ADAM18: variants seen among roughly 807,000 people sequenced by gnomAD.
ADAM18 encodes the protein disintegrin and metalloproteinase domain-containing protein 18.
In ADAM18, 117 loss-of-function variants were observed where a neutral mutation model predicts 94.4. That is an observed-to-expected ratio of 1.24 (90% CI 1.07 to 1.45). The LOEUF is 1.45. Among genes scored for constraint, ADAM18 ranks in the 40% most tolerant of loss-of-function variants. The pLI is 0.00. For synonymous variants in ADAM18, 327 were observed against 291.6 expected (o/e 1.12, Z -1.24); for missense variants, 936 against 880.0 (o/e 1.06, Z -0.81).
At chr8:39,610,771 C>T in intron 6 of ADAM18, 65 bp downstream of exon 6, 1 of 1,521,618 alleles carries the variant, frequency 6.6e-7, no homozygotes, top group Non-Finnish European at 8.8e-7. Context: ...TCTTGTAAAT[C>T]ATGAAAGGAA....
At chr8:39,713,010 G>A (rs1408336790) in intron 18 of ADAM18, among the ~76,000 whole-genome samples, 1 of 152,162 alleles carries the variant, frequency 6.6e-6, no homozygotes, top group Non-Finnish European at 1.5e-5. Flanking sequence ...GAACAAAGCT[G>A]GAGGCATCAC....
chr8:39,639,922 T>C (rs1820190068), intron 10 of ADAM18, among the ~76,000 whole-genome samples: 1 of 152,178 alleles, frequency 6.6e-6, no homozygotes, highest in South Asian at 2.1e-4. Context: ...CTTTCATATT[T>C]TGCTCATTTT....
chr8:39,661,841 G>A (rs1820849340), intron 12 of ADAM18, among the ~76,000 whole-genome samples: 2 of 151,762 alleles, frequency 1.3e-5, no homozygotes, highest in Non-Finnish European at 2.9e-5. Flanking sequence ...GTGAAAAATG[G>A]AGGATATTTA....
At position 39,637,340 on chromosome 8, in the gene ADAM18, G is replaced by A. The variant is rs1188964991; in HGVS notation, c.660+5G>A. On this transcript the variant is annotated splice_donor_5th_base_variant and intron_variant, in intron 8 of 19. Coordinates refer to ENST00000265707, the MANE Select transcript of ADAM18 (RefSeq NM_014237.3). Reference sequence around the variant, plus strand: ...GTTATTGGGCTTGTCAACACTGTAAGTTTTTACTTTTTCACATTTCCATTT... The same window carrying A: ...GTTATTGGGCTTGTCAACACTGTAAATTTTTACTTTTTCACATTTCCATTT... 3 of 1,593,190 alleles carry A rather than the reference G, an allele frequency of 1.9e-6. No individual in the cohort carries two copies. Among genetic ancestry groups the A allele is most frequent in the East Asian group, 4.5e-5 (2 of 44,594 alleles).
At chr8:39,676,605 AG>A (rs1047670320) in intron 14 of ADAM18, among the ~76,000 whole-genome samples, 45 of 326 alleles carry the variant, frequency 0.14, no homozygotes, top group South Asian at 0.5. Flanking sequence ...CTTCTTGGGC[AG>A]GGGCAACGCC....
intron 6 of ADAM18, among the ~76,000 whole-genome samples, chr8:39,627,925 T>G (rs988246074): frequency 6.6e-6 from 1 of 152,080 alleles, no homozygotes; most frequent in African/African-American, 2.4e-5. Flanking sequence ...ACAAATTCCC[T>G]TAGCATTTGG....
chr8:39,585,065 ATTT>A (rs200163434), intron 1 of ADAM18, among the ~76,000 whole-genome samples: 1 of 151,148 alleles, frequency 6.6e-6, no homozygotes, highest in Non-Finnish European at 1.5e-5. Flanking sequence ...GCAATGTCTA[ATTT>A]TTTTTTCTTT....
rs1398581983 is a variant in ADAM18 at position 39,729,879 on chromosome 8, C to T, written c.2178-19C>T. ...AACATATTGTGAATTTCTATTTTTTCTGTTTTTCTTCACTATAGTAATTCA... is the reference window on the plus strand; with the variant it reads ...AACATATTGTGAATTTCTATTTTTTTTGTTTTTCTTCACTATAGTAATTCA... On this transcript the variant is annotated intron_variant, in intron 19 of 19. Transcript: ENST00000265707. The T allele has an allele frequency of 1.9e-6, 3 of 1,607,592 alleles. No homozygotes were observed. Among genetic ancestry groups the T allele is most frequent in the Non-Finnish European group, 2.6e-6 (3 of 1,174,672 alleles).
intron 16 of ADAM18, among the ~76,000 whole-genome samples, chr8:39,681,683 T>G (rs781364955): frequency 1.3e-5 from 2 of 152,126 alleles, no homozygotes; most frequent in Non-Finnish European, 2.9e-5. Context: ...TCATATTGCC[T>G]GAAACAGACC....
At chr8:39,664,858 C>T (rs575847802) in intron 13 of ADAM18, among the ~76,000 whole-genome samples, 2 of 152,144 alleles carry the variant, frequency 1.3e-5, no homozygotes, top group Admixed American at 1.3e-4. Context: ...AAAACAAGTT[C>T]CTTAGTAGCA....
intron 17 of ADAM18, among the ~76,000 whole-genome samples, chr8:39,699,769 T>A (rs898055624): frequency 6.6e-6 from 1 of 152,096 alleles, no homozygotes; most frequent in Non-Finnish European, 1.5e-5. Context: ...ATGAGAAGGA[T>A]CTTCAAGGAG....
At chr8:39,712,039 C>CA (rs151124911) in intron 18 of ADAM18, among the ~76,000 whole-genome samples, 1 of 142,928 alleles carries the variant, frequency 7.0e-6, no homozygotes, top group African/African-American at 2.6e-5. Context: ...AAGGCCCCCC[C>CA]CCGAGAAAAA....
intron 6 of ADAM18, among the ~76,000 whole-genome samples, chr8:39,624,629 A>G (rs1819712379): frequency 6.6e-6 from 1 of 152,162 alleles, no homozygotes; most frequent in Admixed American, 6.5e-5. Flanking sequence ...ATGTTTCTGT[A>G]TCCTCCCAAA....
chr8:39,652,471 T>C (rs1585941949), intron 12 of ADAM18, among the ~76,000 whole-genome samples: 1 of 152,104 alleles, frequency 6.6e-6, no homozygotes, highest in East Asian at 1.9e-4. Flanking sequence ...ATCACAGTAA[T>C]TCAAATTAAA....
At chr8:39,670,438 C>T (rs544339877) in intron 14 of ADAM18, among the ~76,000 whole-genome samples, 3 of 152,168 alleles carry the variant, frequency 2.0e-5, no homozygotes, top group African/African-American at 4.8e-5. Context: ...TACCAAAAAC[C>T]ACAGGTGGTA....
At chr8:39,626,277 A>G (rs995629318) in intron 6 of ADAM18, among the ~76,000 whole-genome samples, 2 of 152,010 alleles carry the variant, frequency 1.3e-5, no homozygotes, top group Admixed American at 1.3e-4. Context: ...TTTTATTTCT[A>G]AAACTTCTTT....
intron 19 of ADAM18, among the ~76,000 whole-genome samples, chr8:39,724,781 G>GT (rs930166211): frequency 1.3e-5 from 2 of 151,776 alleles, no homozygotes; most frequent in Non-Finnish European, 2.9e-5. Flanking sequence ...AAAATATTCT[G>GT]TTTTTTCTTG....
chr8:39,633,043 T>C (rs934458557), intron 7 of ADAM18, among the ~76,000 whole-genome samples: 1 of 152,170 alleles, frequency 6.6e-6, no homozygotes, highest in Non-Finnish European at 1.5e-5. Context: ...TCATGCAGCA[T>C]TCTGTAGCTT....
chr8:39,664,032 T>A, intron 13 of ADAM18, 142 bp downstream of exon 13: 1 of 607,500 alleles, frequency 1.6e-6, no homozygotes, highest in Non-Finnish European at 2.8e-6. Context: ...AACACAAGTT[T>A]AAAGGAAAAT....
Sources: gnomAD v4.1 joint callset for allele counts (sites outside exome capture counted in the v4.1 genomes callset) on GRCh38, gnomAD v4.1.1 for gene constraint, MANE v1.5 for transcripts, NCBI Gene and HGNC (gene_info 2026-07-23, HGNC 2026-07-21) for gene names.